The following PRKCA variants were observed in gnomAD, a reference collection of about 807,000 sequenced individuals.
PRKCA encodes protein kinase C alpha.
A neutral mutation model predicts 87.0 loss-of-function variants in PRKCA; 27 were observed. That is an observed-to-expected ratio of 0.31 (90% CI 0.23 to 0.43). The LOEUF is 0.43. Ranked by LOEUF, PRKCA falls within the 20% of genes least tolerant of loss-of-function variation. PRKCA has a pLI of 1.00. For synonymous variants in PRKCA, 329 were observed against 311.1 expected (o/e 1.06, Z -0.61); for missense variants, 518 against 852.3 (o/e 0.61, Z 4.88).
chr17:66,482,124 A>G (rs1915813712), intron 2 of PRKCA, among the ~76,000 whole-genome samples: 1 of 151,520 alleles, frequency 6.6e-6, no homozygotes, highest in African/African-American at 2.4e-5. Context: ...AAAAGAAAAA[A>G]AGAAAAAAAA....
intron 3 of PRKCA, among the ~76,000 whole-genome samples, chr17:66,564,048 T>G (rs1359172373): frequency 6.6e-6 from 1 of 151,248 alleles, no homozygotes; most frequent in African/African-American, 2.4e-5. Context: ...CTTCCTTCCT[T>G]TCTTCCTTTT....
intron 2 of PRKCA, among the ~76,000 whole-genome samples, chr17:66,394,675 C>A (rs1199335452): frequency 6.6e-6 from 1 of 152,056 alleles, no homozygotes; most frequent in Non-Finnish European, 1.5e-5. Flanking sequence ...AATTGTAATC[C>A]CCATAATCCC....
chr17:66,772,136 G>C (rs566751812), intron 13 of PRKCA, among the ~76,000 whole-genome samples: 3 of 152,132 alleles, frequency 2.0e-5, no homozygotes, highest in African/African-American at 7.2e-5. Context: ...GCAAAATTTT[G>C]TCTGGGAACT....
intron 2 of PRKCA, among the ~76,000 whole-genome samples, chr17:66,354,103 C>T (rs968084248): frequency 1.3e-5 from 2 of 152,138 alleles, no homozygotes; most frequent in Non-Finnish European, 2.9e-5. Flanking sequence ...TGGCTAGGAT[C>T]GCAGACGCGA....
chr17:66,563,879 G>A (rs75503679), intron 3 of PRKCA, among the ~76,000 whole-genome samples: 7,674 of 152,044 alleles, frequency 0.05, 449 homozygotes, highest in East Asian at 0.15. Context: ...TCTTACATCA[G>A]TTATGTATAG....
chr17:66,790,468 G>C (rs1975505085), intron 16 of PRKCA, among the ~76,000 whole-genome samples: 1 of 152,160 alleles, frequency 6.6e-6, no homozygotes, highest in Non-Finnish European at 1.5e-5. Context: ...GAGGTTTTTG[G>C]GGGTGGGGAG....
At chr17:66,760,106 A>G (rs1323033790) in intron 13 of PRKCA, among the ~76,000 whole-genome samples, 4 of 152,232 alleles carry the variant, frequency 2.6e-5, no homozygotes, top group African/African-American at 9.6e-5. Flanking sequence ...AGAATAACAT[A>G]CATTCTTCAC....
At chr17:66,801,210 A>G (rs1326606791) in intron 16 of PRKCA, among the ~76,000 whole-genome samples, 1 of 152,158 alleles carries the variant, frequency 6.6e-6, no homozygotes, top group Non-Finnish European at 1.5e-5. Context: ...TCAGCCTCAC[A>G]CAGTAGTCTT....
At chr17:66,629,258 A>G (rs1467291809) in intron 3 of PRKCA, among the ~76,000 whole-genome samples, 2 of 152,174 alleles carry the variant, frequency 1.3e-5, no homozygotes, top group Non-Finnish European at 2.9e-5. Context: ...ATCTTATGAC[A>G]TTATAGTGAG....
chr17:66,305,332 A>T (rs1212340918), intron 1 of PRKCA, among the ~76,000 whole-genome samples: 1 of 152,204 alleles, frequency 6.6e-6, no homozygotes, highest in Non-Finnish European at 1.5e-5. Flanking sequence ...TGTACATGAA[A>T]CATTCTATGT....
At chr17:66,679,133 T>C (rs929247549) in intron 5 of PRKCA, among the ~76,000 whole-genome samples, 2 of 151,942 alleles carry the variant, frequency 1.3e-5, no homozygotes, top group Admixed American at 1.3e-4. Context: ...AAGAGGTTTA[T>C]TGGTTTTAGA....
At position 66,705,037 on chromosome 17, in the gene PRKCA, C is replaced by T. The variant is rs1233616450; in HGVS notation, c.918+15990C>T. On this transcript the variant is annotated intron_variant, in intron 8 of 16. Transcript: ENST00000413366. Reference sequence around the variant, plus strand: ...GATCTGATCAGCCCTGCCACGGTTACTATGGAAACCAGAGTACTTTCAGAT... The same window carrying T: ...GATCTGATCAGCCCTGCCACGGTTATTATGGAAACCAGAGTACTTTCAGAT... Among the ~76,000 whole-genome samples, 16 of 152,278 alleles carry T rather than the reference C, an allele frequency of 1.1e-4. No homozygotes were observed. The East Asian group carries it at 2.7e-3, about 26-fold the overall frequency.
chr17:66,487,264 C>T (rs1916024608), intron 2 of PRKCA, among the ~76,000 whole-genome samples: 1 of 152,178 alleles, frequency 6.6e-6, no homozygotes, highest in Non-Finnish European at 1.5e-5. Context: ...TGAGTGAGAG[C>T]ATATGATGTT....
chr17:66,569,970 A>G (rs760891974), intron 3 of PRKCA, among the ~76,000 whole-genome samples: 33 of 152,238 alleles, frequency 2.2e-4, no homozygotes, highest in Non-Finnish European at 4.1e-4. Flanking sequence ...AGTATTATTC[A>G]TAATTGCCTT....
chr17:66,385,907 A>G, intron 2 of PRKCA, among the ~76,000 whole-genome samples: 1 of 151,984 alleles, frequency 6.6e-6, no homozygotes, highest in Non-Finnish European at 1.5e-5. Context: ...ACAGGCACTC[A>G]CCACCACACC....
chr17:66,756,166 G>A (rs1163079900), intron 13 of PRKCA, among the ~76,000 whole-genome samples: 1 of 152,216 alleles, frequency 6.6e-6, no homozygotes, highest in Non-Finnish European at 1.5e-5. Flanking sequence ...CTGGCAGGGA[G>A]AGGAGAAAAG....
intron 2 of PRKCA, among the ~76,000 whole-genome samples, chr17:66,328,196 C>A (rs904361739): frequency 1.3e-5 from 2 of 152,046 alleles, no homozygotes; most frequent in African/African-American, 4.8e-5. Context: ...ATGCATGCCC[C>A]TATGCCTGGC....
intron 3 of PRKCA, among the ~76,000 whole-genome samples, chr17:66,567,938 G>A (rs1422995791): frequency 6.6e-6 from 1 of 152,218 alleles, no homozygotes; most frequent in Non-Finnish European, 1.5e-5. Flanking sequence ...ATTTCTATGT[G>A]TTTCCTGGAA....
intron 8 of PRKCA, among the ~76,000 whole-genome samples, chr17:66,691,718 C>T (rs1381339970): frequency 1.3e-5 from 2 of 152,150 alleles, no homozygotes; most frequent in Non-Finnish European, 2.9e-5. Context: ...CCTTCCTTAC[C>T]GAATGTTATG....
Sources: allele counts gnomAD v4.1 joint callset (sites outside exome capture counted in the v4.1 genomes callset), GRCh38; gene constraint gnomAD v4.1.1; transcripts MANE v1.5; gene names NCBI Gene and HGNC (gene_info 2026-07-23, HGNC 2026-07-21).